The following RPS6KC1 variants were observed in gnomAD, a reference collection of about 807,000 sequenced individuals.
RPS6KC1 encodes the protein ribosomal protein S6 kinase C1.
Under a neutral mutation model 103.8 loss-of-function variants are expected in RPS6KC1, and 54 were observed. The ratio of observed to expected loss-of-function variants is 0.52; its 90% CI spans 0.42 to 0.65. The LOEUF (loss-of-function observed/expected upper bound fraction) is 0.65. Ranked by LOEUF, RPS6KC1 falls within the 30% of genes least tolerant of loss-of-function variation. The probability of loss-of-function intolerance (pLI) is 0.00; values close to 1 mark genes in which losing one functional copy is unlikely to be tolerated. For synonymous variants in RPS6KC1, 439 were observed against 438.7 expected (o/e 1.00, Z -0.01); for missense variants, 1,151 against 1,253.8 (o/e 0.92, Z 1.24).
At chr1:213,372,792 G>A in the RPS6KC1 span, among the ~76,000 whole-genome samples, 28 of 151,704 alleles carry the variant, frequency 1.8e-4, no homozygotes, top group Middle Eastern at 3.4e-3. Context: ...TTCCTTATTT[G>A]CCATTTATAT....
chr1:213,192,562 T>C (rs1043192813), intron 8 of RPS6KC1, among the ~76,000 whole-genome samples: 1 of 152,128 alleles, frequency 6.6e-6, no homozygotes, highest in Admixed American at 6.5e-5. Context: ...TTGTTATTGA[T>C]CTCTTCAGGT....
At chr1:213,281,902 T>C in the RPS6KC1 span, among the ~76,000 whole-genome samples, 5 of 152,318 alleles carry the variant, frequency 3.3e-5, no homozygotes, top group African/African-American at 9.6e-5. Flanking sequence ...TCTTTTGTTG[T>C]GGAAGCTCTA....
the RPS6KC1 span, among the ~76,000 whole-genome samples, chr1:213,540,860 A>G: frequency 1.3e-5 from 2 of 152,124 alleles, no homozygotes; most frequent in Non-Finnish European, 2.9e-5. Context: ...TGTCATTTCA[A>G]CAACATTCCT....
chr1:213,786,224 T>C, the RPS6KC1 span, among the ~76,000 whole-genome samples: 1 of 152,166 alleles, frequency 6.6e-6, no homozygotes, highest in East Asian at 1.9e-4. Flanking sequence ...ACTGGACATC[T>C]TGAGGTATAA....
At chr1:213,087,749 G>A (rs115325199) in intron 3 of RPS6KC1, among the ~76,000 whole-genome samples, 175 of 152,266 alleles carry the variant, frequency 1.1e-3, no homozygotes, top group African/African-American at 3.9e-3. Context: ...CCAAGGTGCC[G>A]CAGTCCTATT....
At chr1:213,052,563 G>T (rs1311933518) in intron 1 of RPS6KC1, among the ~76,000 whole-genome samples, 1 of 150,968 alleles carries the variant, frequency 6.6e-6, no homozygotes, top group East Asian at 1.9e-4. Context: ...TTTTTGAGAC[G>T]GAGTTTCGCT....
the RPS6KC1 span, among the ~76,000 whole-genome samples, chr1:213,503,059 A>T: frequency 2.1e-3 from 313 of 152,034 alleles, no homozygotes; most frequent in African/African-American, 7.2e-3. Context: ...CTTTCTAAAA[A>T]GTGGCTTTTT....
At chr1:213,707,282 C>A in the RPS6KC1 span, among the ~76,000 whole-genome samples, 1 of 152,012 alleles carries the variant, frequency 6.6e-6, no homozygotes, top group Non-Finnish European at 1.5e-5. Context: ...TTTTGATTTG[C>A]ATTTCTCTAA....
At chr1:213,461,305 A>T in the RPS6KC1 span, among the ~76,000 whole-genome samples, 3 of 152,250 alleles carry the variant, frequency 2.0e-5, no homozygotes, top group African/African-American at 7.2e-5. Context: ...ATGGAAAAAC[A>T]TTCCATGCTT....
At chr1:213,748,427 C>T in the RPS6KC1 span, among the ~76,000 whole-genome samples, 4 of 152,290 alleles carry the variant, frequency 2.6e-5, no homozygotes, top group East Asian at 7.7e-4. Flanking sequence ...AATGATTTTG[C>T]ATTGTAAGTC....
chr1:213,149,221 C>G (rs1558418955), intron 6 of RPS6KC1, among the ~76,000 whole-genome samples: 1 of 151,972 alleles, frequency 6.6e-6, no homozygotes. Context: ...TCGGTTTGCT[C>G]TTGCTTTTCT....
the RPS6KC1 span, among the ~76,000 whole-genome samples, chr1:213,512,232 T>A: frequency 6.6e-6 from 1 of 152,220 alleles, no homozygotes; most frequent in Non-Finnish European, 1.5e-5. Context: ...TTGGAAATAA[T>A]TTATGGTTTG....
chr1:213,603,735 C>A, the RPS6KC1 span, among the ~76,000 whole-genome samples: 1 of 151,966 alleles, frequency 6.6e-6, no homozygotes. Flanking sequence ...TGGTGCATGC[C>A]TGTAATCTCA....
At chr1:213,699,181 A>T in the RPS6KC1 span, among the ~76,000 whole-genome samples, 356 of 152,028 alleles carry the variant, frequency 2.3e-3, 1 homozygote, top group African/African-American at 8.2e-3. Flanking sequence ...TGTACCCATT[A>T]ACCATCCCCA....
At chr1:213,326,611 G>C in the RPS6KC1 span, among the ~76,000 whole-genome samples, 1 of 152,126 alleles carries the variant, frequency 6.6e-6, no homozygotes, top group African/African-American at 2.4e-5. Flanking sequence ...TCCTCTTCAG[G>C]ATTTTCAGCA....
chr1:213,258,934 G>A (rs949648756), intron 12 of RPS6KC1, among the ~76,000 whole-genome samples: 1 of 152,146 alleles, frequency 6.6e-6, no homozygotes, highest in Admixed American at 6.5e-5. Flanking sequence ...CCAGGGATAT[G>A]TCCTTCATGA....
At chr1:213,354,904 G>A in the RPS6KC1 span, among the ~76,000 whole-genome samples, 1 of 152,106 alleles carries the variant, frequency 6.6e-6, no homozygotes, top group Non-Finnish European at 1.5e-5. Flanking sequence ...TATTCAAACC[G>A]TAGCCAGCCC....
At chr1:213,360,525 G>A in the RPS6KC1 span, among the ~76,000 whole-genome samples, 1 of 152,188 alleles carries the variant, frequency 6.6e-6, no homozygotes, top group Non-Finnish European at 1.5e-5. Context: ...GCTCAGAGAA[G>A]TTTGTTCGTC....
the RPS6KC1 span, among the ~76,000 whole-genome samples, chr1:213,739,849 C>T: frequency 1.3e-5 from 2 of 152,232 alleles, no homozygotes; most frequent in Non-Finnish European, 2.9e-5. Flanking sequence ...CCCCCGTGCT[C>T]TATTGTAAGA....
Sources: allele counts gnomAD v4.1 joint callset (sites outside exome capture counted in the v4.1 genomes callset), GRCh38; gene constraint gnomAD v4.1.1; transcripts MANE v1.5; gene names NCBI Gene and HGNC (gene_info 2026-07-23, HGNC 2026-07-21).